The following RHEX variants were observed in gnomAD, a reference collection of about 807,000 sequenced individuals.
RHEX encodes regulator of hemoglobinization and erythroid cell expansion protein.
RHEX carries 18 observed loss-of-function variants against 20.1 expected under a neutral mutation model. That is an observed-to-expected ratio of 0.90 (90% confidence interval 0.62 to 1.33). The LOEUF (loss-of-function observed/expected upper bound fraction) is 1.33. RHEX is among the 40% of genes most tolerant of loss of function. RHEX has a pLI of 0.00. For synonymous variants in RHEX, 87 were observed against 77.1 expected (o/e 1.13, Z -0.67); for missense variants, 192 against 214.3 (o/e 0.90, Z 0.65).
At chr1:206,072,624 T>C (rs143120687) in intron 1 of RHEX, among the ~76,000 whole-genome samples, 362 of 152,258 alleles carry the variant, frequency 2.4e-3, no homozygotes, top group African/African-American at 8.4e-3. Flanking sequence ...AAATACCATA[T>C]TCCCGTAATG....
At chr1:206,065,524 G>T (rs1662405506) in intron 1 of RHEX, among the ~76,000 whole-genome samples, 1 of 152,154 alleles carries the variant, frequency 6.6e-6, no homozygotes, top group Admixed American at 6.5e-5. Flanking sequence ...AAAGGTTCCT[G>T]GGGAGGTTGG....
At chr1:206,073,429 A>C (rs1346261556) in intron 1 of RHEX, among the ~76,000 whole-genome samples, 1 of 152,174 alleles carries the variant, frequency 6.6e-6, no homozygotes, top group African/African-American at 2.4e-5. Flanking sequence ...AGTATTTCAC[A>C]TATATTAACT....
chr1:206,096,771 T>TG (rs1553287717), intron 1 of RHEX, among the ~76,000 whole-genome samples: 4 of 140,450 alleles, frequency 2.8e-5, no homozygotes, highest in African/African-American at 1.3e-4. Flanking sequence ...CCCTGTTTTT[T>TG]TTTTTTTTGG....
At chr1:206,053,440 T>C (rs2102299537) in intron 1 of RHEX, 175 bp downstream of exon 1, 1 of 153,082 alleles carries the variant, frequency 6.5e-6, no homozygotes, top group Non-Finnish European at 1.5e-5. Flanking sequence ...ACTCTGATTT[T>C]GGTTTTGATT....
Position 206,053,180 on chromosome 1 carries a change from C to T in RHEX, c.-182C>T, listed in dbSNP as rs73073010. The T allele has an allele frequency of 0.032, 4,848 of 152,818 alleles. 256 individuals are homozygous for T. Among genetic ancestry groups the T allele is most frequent in the African/African-American group, 0.11 (4,560 of 41,496 alleles). 9.5% of individuals were successfully genotyped at this position (152,818 alleles called of 1,614,324 possible). ...CCGGTGGAATGCCTCACCAGAGCAG[C>T]GTGTAGCAGTTCCCTGTGGAGGATT... is the stretch of plus-strand genomic sequence containing the variant. On this transcript the variant is annotated 5_prime_UTR_variant, in exon 1 of 6. Coordinates refer to ENST00000331555, the MANE Select transcript of RHEX (RefSeq NM_001007544.4).
rs1553288506 is a variant in RHEX at position 206,101,944 on chromosome 1, G to T, written c.511G>T (p.Ala171Ser). The change falls in exon 6 of 6, where the codon GCC (alanine) becomes TCC (serine). Residue 171 changes from alanine to serine, a missense_variant. Physicochemically the swap from Ala to Ser is moderately conservative, Grantham distance 99 (BLOSUM62 1). Transcript: ENST00000331555. ...LSEPAEYDQV[A>S]M ...TGAGCCAGCGGAATATGATCAAGTG[G>T]CCATGTGAATTCCAAATATTTTTAA... 6.2e-7 allele frequency: 1 copy of T among 1,612,290 alleles called. No individual in the cohort carries two copies. The highest frequency in any genetic ancestry group is 8.5e-7 in the Non-Finnish European group (1 of 1,178,564).
intron 1 of RHEX, among the ~76,000 whole-genome samples, chr1:206,078,082 A>G (rs1662668425): frequency 6.6e-6 from 1 of 152,234 alleles, no homozygotes; most frequent in South Asian, 2.1e-4. Context: ...TCTATAAGGT[A>G]CATAAGAAAC....
chr1:206,077,146 C>T (rs1017253669), intron 1 of RHEX, among the ~76,000 whole-genome samples: 4 of 152,028 alleles, frequency 2.6e-5, no homozygotes, highest in East Asian at 1.9e-4. Context: ...TGGAAGACAA[C>T]GACACAAAAA....
Position 206,060,210 on chromosome 1 carries a change from A to T in RHEX, c.-97+6945A>T, listed in dbSNP as rs563524057. Among the ~76,000 whole-genome samples, 6 of 152,340 alleles carry T rather than the reference A, an allele frequency of 3.9e-5. No homozygotes were observed. The East Asian group carries it at 7.7e-4, about 20-fold the overall frequency. On this transcript the variant is annotated intron_variant, in intron 1 of 5. Transcript: ENST00000331555. ...TTTTCTTTACTGTATAATAGGAATA[A>T]TGATTGTTCCTATCTCAGGTCTATA...
intron 1 of RHEX, among the ~76,000 whole-genome samples, chr1:206,058,509 A>G (rs1662242741): frequency 6.6e-6 from 1 of 152,270 alleles, no homozygotes; most frequent in Non-Finnish European, 1.5e-5. Flanking sequence ...AACAACAAGG[A>G]AGTAGAACCA....
chr1:206,075,146 C>G (rs78918191), intron 1 of RHEX, among the ~76,000 whole-genome samples: 2,844 of 152,296 alleles, frequency 0.019, 81 homozygotes, highest in African/African-American at 0.065. Flanking sequence ...CACGGAACAT[C>G]AAGCTGCTGG....
intron 1 of RHEX, among the ~76,000 whole-genome samples, chr1:206,064,946 G>A: frequency 6.6e-6 from 1 of 152,166 alleles, no homozygotes; most frequent in Admixed American, 6.5e-5. Flanking sequence ...AAGTTCTTCT[G>A]CCTTGGGATC....
intron 1 of RHEX, among the ~76,000 whole-genome samples, chr1:206,064,752 G>T (rs1662389768): frequency 6.6e-6 from 1 of 152,034 alleles, no homozygotes; most frequent in Admixed American, 6.5e-5. Flanking sequence ...CCCTCTGCCC[G>T]GCCACCGCCC....
chr1:206,062,222 T>C (rs1397999692), intron 1 of RHEX: 1 of 152,060 alleles, frequency 6.6e-6, no homozygotes, highest in African/African-American at 2.4e-5. Context: ...AAAAAGTAAA[T>C]AAATAAAAAT....
chr1:206,069,219 T>C (rs922951738), intron 1 of RHEX, among the ~76,000 whole-genome samples: 1 of 152,236 alleles, frequency 6.6e-6, no homozygotes, highest in Non-Finnish European at 1.5e-5. Flanking sequence ...GTGGGGAACA[T>C]GCTACTGGCA....
intron 1 of RHEX, among the ~76,000 whole-genome samples, chr1:206,095,204 T>C (rs1262156080): frequency 6.6e-6 from 1 of 152,116 alleles, no homozygotes; most frequent in Non-Finnish European, 1.5e-5. Context: ...CAAATGCCTT[T>C]AGGGATTAGT....
chr1:206,083,598 T>G, intron 1 of RHEX: 1 of 985,482 alleles, frequency 1.0e-6, no homozygotes, highest in Non-Finnish European at 1.2e-6. Context: ...ATATTTCCGT[T>G]AGGACATCGC....
At chr1:206,097,616 C>T in intron 1 of RHEX, 117 bp from the exon 2 acceptor site, 1 of 632,754 alleles carries the variant, frequency 1.6e-6, no homozygotes, top group Non-Finnish European at 2.8e-6. Flanking sequence ...GGGACTGAAG[C>T]AAGTATGATG....
At chr1:206,085,126 G>A (rs75983119) in intron 1 of RHEX, among the ~76,000 whole-genome samples, 3,331 of 152,238 alleles carry the variant, frequency 0.022, 112 homozygotes, top group African/African-American at 0.075. Context: ...ACATTTGACT[G>A]CCCAATTGAA....
Sources: gnomAD v4.1 joint callset for allele counts (sites outside exome capture counted in the v4.1 genomes callset) on GRCh38, gnomAD v4.1.1 for gene constraint, MANE v1.5 for transcripts, NCBI Gene and HGNC (gene_info 2026-07-23, HGNC 2026-07-21) for gene names.